The following NPAS1 variants were observed in gnomAD, a reference collection of about 807,000 sequenced individuals.
NPAS1 encodes neuronal PAS domain-containing protein 1.
A neutral mutation model predicts 49.2 loss-of-function variants in NPAS1; 29 were observed. That is an observed-to-expected ratio of 0.59 (90% CI 0.44 to 0.80). The LOEUF (loss-of-function observed/expected upper bound fraction) is 0.80. Among genes scored for constraint, NPAS1 ranks in the 30% least tolerant of loss-of-function variants. The pLI is 0.00. For missense variants in NPAS1, 825 were observed against 835.5 expected, an observed-to-expected ratio of 0.99 and a Z score of 0.15; for synonymous variants, 408 against 380.4, an observed-to-expected ratio of 1.07 and a Z score of -0.84.
At position 47,045,184 on chromosome 19, in the gene NPAS1, C is replaced by G. The variant is rs1281988459; in HGVS notation, c.1313-7C>G. 6 of 1,612,262 alleles carry G rather than the reference C, an allele frequency of 3.7e-6. No individual in the cohort carries two copies. The highest frequency in any genetic ancestry group is 5.1e-6 in the Non-Finnish European group (6 of 1,179,496). ...ACACACAGGCCCTCAGCATCTTCCT[C>G]TTCCAGAGCCGGAGCCTCCGACGGA... On this transcript the variant is annotated splice_polypyrimidine_tract_variant and splice_region_variant and intron_variant, in intron 11 of 11. Coordinates refer to ENST00000602212, the MANE Select transcript of NPAS1 (RefSeq NM_002517.4).
Position 47,036,017 on chromosome 19 carries a change from A to G in NPAS1, c.576A>G (p.Ser192=). 8 of 1,598,166 alleles carry G rather than the reference A, an allele frequency of 5.0e-6. No homozygotes were observed. Among genetic ancestry groups the G allele is most frequent in the Non-Finnish European group, 6.8e-6 (8 of 1,172,626 alleles). Residue 192 remains serine (S), a synonymous_variant, in exon 6 of 12, where the codon TCA becomes TCG. Transcript: ENST00000602212. The part of the protein sequence containing the change: ...VFDYIHPGDH[S]EVLEQLGLRT... ...ACTACATTCACCCTGGGGACCACTC[A>G]GAGGTGCTGGAGCAACTGGGGCTGC... is the stretch of plus-strand genomic sequence containing the variant.
chr19:47,024,157 C>T (rs1209904756), intron 3 of NPAS1, among the ~76,000 whole-genome samples: 1 of 151,880 alleles, frequency 6.6e-6, no homozygotes. Context: ...TTTGGTGGCA[C>T]CCGCCTGTAG....
At chr19:47,036,717 C>CAA (rs57439342) in intron 6 of NPAS1, among the ~76,000 whole-genome samples, 27,070 of 130,760 alleles carry the variant, frequency 0.21, 2,723 homozygotes, top group South Asian at 0.34. Flanking sequence ...ACTAAAAATA[C>CAA]AAAAAAAAAA....
chr19:47,021,853 T>A lies in NPAS1; in HGVS notation c.358+6T>A, dbSNP rs1322374311. ...GGGGCCGCCAGCTGGCCTCGGTGAG[T>A]GCTCATGCGCGGGGCGAGGGTCCCG... On this transcript the variant is annotated splice_donor_region_variant and intron_variant, in intron 3 of 11. Transcript: ENST00000602212. The surrounding 1 kb of genome is among the most constrained non-coding windows in gnomAD (Gnocchi z 5.7). 6.2e-6 allele frequency: 9 copies of A among 1,456,926 alleles called. No individual in the cohort carries two copies. In the East Asian group the frequency reaches 1.9e-4, roughly 31 times the overall value. 90.2% of individuals were successfully genotyped at this position (1,456,926 alleles called of 1,614,324 possible). A position where few individuals can be genotyped will look rare whatever the true frequency, so the allele number is the denominator to read the frequency against.
chr19:47,027,510 A>T (rs201069724), intron 3 of NPAS1, among the ~76,000 whole-genome samples: 192 of 12,510 alleles, frequency 0.015, 5 homozygotes, highest in African/African-American at 0.039. Flanking sequence ...CTGGTCTCCC[A>T]TCTCTCTGCC....
chr19:47,020,794 G>T, intron 1 of NPAS1: 1 of 316,146 alleles, frequency 3.2e-6, no homozygotes, highest in Non-Finnish European at 5.7e-6. Flanking sequence ...CGGCGCGGGG[G>T]AGGCGGCGGC....
At chr19:47,025,489 G>A (rs2056865907) in intron 3 of NPAS1, among the ~76,000 whole-genome samples, 1 of 151,248 alleles carries the variant, frequency 6.6e-6, no homozygotes, top group Non-Finnish European at 1.5e-5. Context: ...TGTTGGTCAG[G>A]CTGGTCTCAA....
chr19:47,041,248 G>T, intron 10 of NPAS1, 123 bp downstream of exon 10: 1 of 937,302 alleles, frequency 1.1e-6, no homozygotes, highest in South Asian at 1.9e-5. Context: ...CTGCAGACAC[G>T]AAGGGGAAGG....
intron 6 of NPAS1, 65 bp from the exon 7 acceptor site, chr19:47,038,971 G>A (rs541513040): frequency 7.1e-7 from 1 of 1,406,044 alleles, no homozygotes; most frequent in African/African-American, 1.4e-5. Context: ...GGCTCTGCAA[G>A]GGTCAGGGTG....
At chr19:47,045,096 C>G in intron 11 of NPAS1, 95 bp from the exon 12 acceptor site, 2 of 1,190,314 alleles carry the variant, frequency 1.7e-6, no homozygotes, top group African/African-American at 1.6e-5. Flanking sequence ...CAGCTGAGAA[C>G]TACAGGTCTG....
chr19:47,045,112 C>A, intron 11 of NPAS1, 79 bp from the exon 12 acceptor site: 2 of 1,394,192 alleles, frequency 1.4e-6, no homozygotes, highest in Non-Finnish European at 9.9e-7. Flanking sequence ...GTCTGGCCCA[C>A]TAAGCACAGC....
rs2056911406 is a variant in NPAS1 at position 47,032,291 on chromosome 19, C to A, written c.372C>A (p.Arg124=). The part of the protein sequence containing the change: ...GPPAGLAPGR[R]GPAALVSEVF... ...CATCTGCCCCAGCCCCAGGCCGCCG[C>A]GGCCCCGCAGCGCTGGTCTCCGAAG... Residue 124 remains arginine, a synonymous_variant, in exon 4 of 12, where the codon CGC becomes CGA. Transcript: ENST00000602212. 8 of 1,613,842 alleles carry A rather than the reference C, an allele frequency of 5.0e-6. No individual in the cohort carries two copies. Among genetic ancestry groups the A allele is most frequent in the Non-Finnish European group, 5.9e-6 (7 of 1,179,996 alleles).
intron 8 of NPAS1, 50 bp downstream of exon 8, chr19:47,039,614 C>G (rs2056997683): frequency 6.6e-7 from 1 of 1,517,840 alleles, no homozygotes; most frequent in Admixed American, 2.1e-5. Flanking sequence ...CAATGGAGAT[C>G]TGGGGGTACA....
At chr19:47,026,369 G>T (rs1020511327) in intron 3 of NPAS1, among the ~76,000 whole-genome samples, 5 of 152,168 alleles carry the variant, frequency 3.3e-5, no homozygotes, top group African/African-American at 1.2e-4. Context: ...CAGCTTGCTG[G>T]GTGCAGAGCC....
chr19:47,039,803 G>A (rs1444318722), intron 8 of NPAS1, among the ~76,000 whole-genome samples: 2 of 150,852 alleles, frequency 1.3e-5, no homozygotes, highest in Non-Finnish European at 3.0e-5. Context: ...TTGGGTCCGG[G>A]CCCTCCTTCT....
chr19:47,031,605 A>C (rs1364957994), intron 3 of NPAS1, among the ~76,000 whole-genome samples: 1 of 147,500 alleles, frequency 6.8e-6, no homozygotes, highest in Non-Finnish European at 1.5e-5. Flanking sequence ...ATCTCGGCTC[A>C]CTGCAACCTC....
intron 1 of NPAS1, 74 bp from the exon 2 acceptor site, chr19:47,020,932 C>T (rs1468036423): frequency 1.3e-6 from 1 of 760,052 alleles, no homozygotes; most frequent in East Asian, 3.3e-5. Context: ...ACCCTGAGCC[C>T]TGCACGGATC....
intron 3 of NPAS1, among the ~76,000 whole-genome samples, chr19:47,029,953 G>A (rs1489243926): frequency 1.3e-5 from 2 of 152,144 alleles, no homozygotes; most frequent in African/African-American, 2.4e-5. Flanking sequence ...AGCAATGTAT[G>A]AGGGTTCCAA....
Position 47,022,501 on chromosome 19 carries a change from T to G in NPAS1, c.358+654T>G, listed in dbSNP as rs1398992167. Reference sequence around the variant, plus strand: ...AGCAGAGAATCAACCAGGTCATATTTGCAAAGTCCCTGGAAGTGCCTAGCT... The same window carrying G: ...AGCAGAGAATCAACCAGGTCATATTGGCAAAGTCCCTGGAAGTGCCTAGCT... On this transcript the variant is annotated intron_variant, in intron 3 of 11. Coordinates refer to ENST00000602212, the MANE Select transcript of NPAS1 (RefSeq NM_002517.4). 3.9e-5 allele frequency among the ~76,000 whole-genome samples: 6 copies of G among 152,162 alleles called. No individual in the cohort carries two copies. The East Asian group carries it at 1.2e-3, about 29-fold the overall frequency.
Sources: allele counts gnomAD v4.1 joint callset (sites outside exome capture counted in the v4.1 genomes callset), GRCh38; gene constraint gnomAD v4.1.1; non-coding constraint Gnocchi (gnomAD v3.1); transcripts MANE v1.5; gene names NCBI Gene and HGNC (gene_info 2026-07-23, HGNC 2026-07-21).